Variants in ZBTB8OS observed in about 807,000 individuals in gnomAD.
ZBTB8OS encodes the protein tRNA-splicing ligase-activating factor archease.
In ZBTB8OS, 16 loss-of-function variants were observed where a neutral mutation model predicts 29.3. The observed-to-expected ratio is 0.55, with a 90% CI of 0.37 to 0.83. The LOEUF is 0.83. ZBTB8OS is among the 40% of genes least tolerant of loss of function. The pLI is 0.00. For synonymous variants in ZBTB8OS, 70 were observed against 64.6 expected (o/e 1.08, Z -0.40); for missense variants, 160 against 196.9 (o/e 0.81, Z 1.12).
chr1:32,629,138 C>T (rs966987582), intron 5 of ZBTB8OS, among the ~76,000 whole-genome samples: 2 of 151,720 alleles, frequency 1.3e-5, no homozygotes, highest in East Asian at 1.9e-4. Context: ...AGGCTGGGTG[C>T]GGTGGCTCAC....
intron 1 of ZBTB8OS, among the ~76,000 whole-genome samples, chr1:32,645,048 G>A (rs931147300): frequency 6.6e-6 from 1 of 151,850 alleles, no homozygotes; most frequent in African/African-American, 2.4e-5. Context: ...GCATGGTGGC[G>A]TGTGCCTGCA....
At position 32,621,663 on chromosome 1, in the gene ZBTB8OS, G is replaced by A. The variant is rs1261195991; in HGVS notation, c.*199C>T. On this transcript the variant is annotated 3_prime_UTR_variant, in exon 7 of 7. Coordinates refer to ENST00000468695, the MANE Select transcript of ZBTB8OS (RefSeq NM_178547.5). Reference sequence around the variant, plus strand: ...TTGGGGGGTTGAAGAATTCTTTAAAGTGTGAATATTTGGGGAACACAGACC... The same window carrying A: ...TTGGGGGGTTGAAGAATTCTTTAAAATGTGAATATTTGGGGAACACAGACC... The A allele has an allele frequency of 7.4e-6, 4 of 542,430 alleles. No individual in the cohort carries two copies. Among genetic ancestry groups the A allele is most frequent in the Non-Finnish European group, 1.3e-5 (4 of 312,682 alleles). The allele number at this position is 542,430 out of a possible 1,614,324, so 33.6% of individuals were successfully genotyped here.
intron 1 of ZBTB8OS, among the ~76,000 whole-genome samples, chr1:32,648,758 A>C (rs147847784): frequency 6.7e-6 from 1 of 150,354 alleles, no homozygotes; most frequent in African/African-American, 2.5e-5. Flanking sequence ...TCCCAGGTTC[A>C]AGCGATTCTC....
chr1:32,629,621 A>G (rs16835057), intron 5 of ZBTB8OS, among the ~76,000 whole-genome samples: 20,818 of 152,130 alleles, frequency 0.14, 2,943 homozygotes, highest in African/African-American at 0.35. Flanking sequence ...TCTAGAACTT[A>G]GGATCAGTCT....
chr1:32,630,573 C>CAAATT (rs1441404704), intron 5 of ZBTB8OS, among the ~76,000 whole-genome samples: 5 of 151,112 alleles, frequency 3.3e-5, no homozygotes, highest in African/African-American at 7.3e-5. Context: ...ATCAATCAAT[C>CAAATT]AAATTAAATT....
chr1:32,640,902 C>T (rs1415956495), intron 1 of ZBTB8OS, among the ~76,000 whole-genome samples: 1 of 151,784 alleles, frequency 6.6e-6, no homozygotes, highest in Non-Finnish European at 1.5e-5. Flanking sequence ...TGGAGGCCCA[C>T]ACCTGTAATC....
intron 6 of ZBTB8OS, among the ~76,000 whole-genome samples, chr1:32,624,369 C>T (rs563517583): frequency 3.9e-5 from 6 of 152,222 alleles, no homozygotes; most frequent in East Asian, 3.9e-4. Context: ...GCAGAGACTT[C>T]GCTTATCCTA....
At chr1:32,643,923 G>A (rs1428561417) in intron 1 of ZBTB8OS, among the ~76,000 whole-genome samples, 1 of 151,730 alleles carries the variant, frequency 6.6e-6, no homozygotes, top group Admixed American at 6.6e-5. Context: ...GTACCCAAGC[G>A]AGTTAGAAAA....
chr1:32,650,575 T>A (rs745398815), upstream of ZBTB8OS: 155 of 1,613,818 alleles, frequency 9.6e-5, no homozygotes, highest in Non-Finnish European at 1.3e-4. Flanking sequence ...TCCACCGGAC[T>A]TCGGCCCGGA....
chr1:32,636,072 C>T (rs1645929898), intron 1 of ZBTB8OS, among the ~76,000 whole-genome samples: 1 of 152,158 alleles, frequency 6.6e-6, no homozygotes, highest in South Asian at 2.1e-4. Flanking sequence ...TGACACCACC[C>T]AGACTCGTTA....
intron 5 of ZBTB8OS, among the ~76,000 whole-genome samples, chr1:32,630,515 T>G (rs1388646052): frequency 6.6e-6 from 1 of 151,872 alleles, no homozygotes; most frequent in Non-Finnish European, 1.5e-5. Context: ...ATTACACCAC[T>G]GCACTCCAGC....
chr1:32,632,167 A>G (rs1645615046), intron 4 of ZBTB8OS: 2 of 179,992 alleles, frequency 1.1e-5, no homozygotes, highest in Admixed American at 6.3e-5. Flanking sequence ...ACGCCCGGCC[A>G]ATCAATTTTT....
chr1:32,622,008 T>C, intron 6 of ZBTB8OS, 60 bp from the exon 7 acceptor site: 2 of 1,195,662 alleles, frequency 1.7e-6, no homozygotes, highest in South Asian at 2.8e-5. Context: ...GAAATCATAA[T>C]CATTAACTCT....
rs117790782 is a variant in ZBTB8OS at position 32,627,712 on chromosome 1, C to T, written c.381-168G>A. On this transcript the variant is annotated intron_variant, in intron 5 of 6. Coordinates refer to ENST00000468695, the MANE Select transcript of ZBTB8OS (RefSeq NM_178547.5). ...GTCAGAAGATACAGCTGTTGAGGGA[C>T]GTGTGTGCAGTGTCATCATTTGCTC... The T allele has an allele frequency of 9.4e-3, 5,895 of 628,446 alleles. 93 individuals are homozygous for T. The highest frequency in any genetic ancestry group is 0.034 in the African/African-American group (1,823 of 54,404). The allele number at this position is 628,446 out of a possible 1,614,324, so 38.9% of individuals were successfully genotyped here.
At chr1:32,630,876 G>A (rs1230353428) in intron 5 of ZBTB8OS, among the ~76,000 whole-genome samples, 1 of 152,006 alleles carries the variant, frequency 6.6e-6, no homozygotes, top group Non-Finnish European at 1.5e-5. Context: ...AGCCAGGCGT[G>A]GTAGCAGGCG....
intron 4 of ZBTB8OS, among the ~76,000 whole-genome samples, chr1:32,632,637 A>C (rs1645657165): frequency 6.6e-6 from 1 of 152,042 alleles, no homozygotes; most frequent in Non-Finnish European, 1.5e-5. Flanking sequence ...GCCCAAGCTG[A>C]GTATTAAATA....
intron 1 of ZBTB8OS, among the ~76,000 whole-genome samples, chr1:32,635,134 T>G (rs1048013108): frequency 2.6e-5 from 4 of 152,082 alleles, no homozygotes; most frequent in African/African-American, 9.7e-5. Flanking sequence ...TAATCCTAGA[T>G]AAAATCAATT....
chr1:32,649,559 G>T (rs1647124966), intron 1 of ZBTB8OS, among the ~76,000 whole-genome samples: 1 of 151,658 alleles, frequency 6.6e-6, no homozygotes, highest in Non-Finnish European at 1.5e-5. Flanking sequence ...AAAACCAGCT[G>T]GGCACTGCAG....
chr1:32,625,333 G>A (rs1362059653), intron 6 of ZBTB8OS, among the ~76,000 whole-genome samples: 1 of 150,710 alleles, frequency 6.6e-6, no homozygotes, highest in Admixed American at 6.6e-5. Context: ...AGGAGTTCGA[G>A]ATCAGCCTGG....
Sources: allele counts gnomAD v4.1 joint callset (sites outside exome capture counted in the v4.1 genomes callset), GRCh38; gene constraint gnomAD v4.1.1; transcripts MANE v1.5; gene names NCBI Gene and HGNC (gene_info 2026-07-23, HGNC 2026-07-21).